The following COL6A5 variants were observed in gnomAD, a reference collection of about 807,000 sequenced individuals.
COL6A5 encodes collagen alpha-5(VI) chain.
COL6A5 carries 48 observed loss-of-function variants against 65.6 expected under a neutral mutation model. The ratio of observed to expected loss-of-function variants is 0.73; its 90% confidence interval spans 0.58 to 0.93. The LOEUF is 0.93. Ranked by LOEUF, COL6A5 falls within the 40% of genes least tolerant of loss-of-function variation. The probability of loss-of-function intolerance (pLI) is 0.00; values close to 1 mark genes in which losing one functional copy is unlikely to be tolerated. For synonymous variants in COL6A5, 291 were observed against 322.8 expected (o/e 0.90, Z 1.05); for missense variants, 914 against 928.3 (o/e 0.98, Z 0.20).
chr3:130,362,336 T>A (rs1419977633), intron 1 of COL6A5, among the ~76,000 whole-genome samples: 1 of 126,836 alleles, frequency 7.9e-6, no homozygotes, highest in Non-Finnish European at 1.7e-5. Context: ...ATTTTTTTTT[T>A]TTTTTTTTTT....
chr3:130,433,397 A>G (rs1055379009), intron 1 of COL6A5, among the ~76,000 whole-genome samples: 7 of 152,158 alleles, frequency 4.6e-5, no homozygotes, highest in African/African-American at 1.7e-4. Context: ...CATTCTTGTT[A>G]ACAAATCATT....
chr3:130,423,303 A>G (rs2107686308), intron 28 of COL6A5, among the ~76,000 whole-genome samples: 1 of 152,222 alleles, frequency 6.6e-6, no homozygotes, highest in Admixed American at 6.5e-5. Context: ...AAATGCTGAG[A>G]CAAGCATCCT....
chr3:130,471,849 T>G (rs1385886320), intron 7 of COL6A5: 2 of 1,525,650 alleles, frequency 1.3e-6, no homozygotes, highest in South Asian at 2.4e-5. Flanking sequence ...ACTGAGAAAC[T>G]GGCAATGAAA....
chr3:130,439,614 T>C (rs1709125002), exon 2 of COL6A5: 1 of 1,549,014 alleles, frequency 6.5e-7, no homozygotes, highest in Non-Finnish European at 8.7e-7. Flanking sequence ...CACTTTGCTA[T>C]GGTAAGACCA....
At chr3:130,469,470 A>G in exon 6 of COL6A5, 1 of 1,611,316 alleles carries the variant, frequency 6.2e-7, no homozygotes, top group Non-Finnish European at 8.5e-7. Flanking sequence ...CCATTTGTCC[A>G]TTTAATCAGA....
chr3:130,474,204 A>T lies in COL6A5; in HGVS notation c.2328+3237A>T, dbSNP rs546472861. ...TATATAAGTCTCAGACCCTTCCCTA[A>T]ACTGTACATGTATGAGAAAGACCCT... On this transcript the variant is annotated intron_variant, in intron 7 of 7. Transcript: ENST00000512836. 1.6e-4 allele frequency among the ~76,000 whole-genome samples: 24 copies of T among 152,160 alleles called. 2 individuals carry two copies. In the South Asian group the frequency reaches 5.0e-3, roughly 32 times the overall value.
At position 130,418,852 on chromosome 3, in the gene COL6A5, C is replaced by T; in HGVS notation, c.4888-17C>T. 6.5e-7 allele frequency: 1 copy of T among 1,548,248 alleles called. No individual in the cohort carries two copies. Among genetic ancestry groups the T allele is most frequent in the Non-Finnish European group, 8.7e-7 (1 of 1,144,082 alleles). Reference sequence around the variant, plus strand: ...TTGATTTTACTGATCTGAAGCTCTTCTTGTCCCACTTACTAGGGAGAGCCT... The same window carrying T: ...TTGATTTTACTGATCTGAAGCTCTTTTTGTCCCACTTACTAGGGAGAGCCT... On this transcript the variant is annotated splice_polypyrimidine_tract_variant and intron_variant and NMD_transcript_variant, in intron 24 of 41. Transcript: ENST00000312481.
chr3:130,428,974 T>G (rs1168879975), upstream of COL6A5, among the ~76,000 whole-genome samples: 2 of 152,186 alleles, frequency 1.3e-5, no homozygotes, highest in Admixed American at 6.5e-5. Context: ...TATCAATACT[T>G]TCCCGGATTC....
chr3:130,350,039 C>T (rs1344858763), intron 1 of COL6A5, among the ~76,000 whole-genome samples: 1 of 152,184 alleles, frequency 6.6e-6, no homozygotes, highest in Non-Finnish European at 1.5e-5. Flanking sequence ...TACTTTCCTG[C>T]TGGGTAATCC....
intron 5 of COL6A5, 112 bp from the exon 6 acceptor site, chr3:130,388,468 C>A: frequency 1.1e-6 from 1 of 889,004 alleles, no homozygotes; most frequent in Non-Finnish European, 1.7e-6. Flanking sequence ...CAACAGTTGC[C>A]TGAGTTAATT....
exon 2 of COL6A5, chr3:130,373,636 A>T: frequency 1.3e-6 from 2 of 1,522,316 alleles, no homozygotes; most frequent in Non-Finnish European, 1.8e-6. Context: ...CTTCACTAAC[A>T]AAATGAAGAT....
chr3:130,470,719 A>T (rs1286168944), intron 6 of COL6A5, among the ~76,000 whole-genome samples, 152 bp from the exon 39 acceptor site: 3 of 152,058 alleles, frequency 2.0e-5, no homozygotes, highest in Non-Finnish European at 4.4e-5. Context: ...AGAACAAAGA[A>T]TTTCCATGTC....
rs115020848 is a variant in COL6A5 at position 130,366,532 on chromosome 3, G to A, written c.-28-7079G>A. 4.0e-3 allele frequency among the ~76,000 whole-genome samples: 606 copies of A among 152,312 alleles called. 2 individuals are homozygous for A. The highest frequency in any genetic ancestry group is 0.013 in the African/African-American group (547 of 41,578). On this transcript the variant is annotated intron_variant and NMD_transcript_variant, in intron 1 of 41. Transcript: ENST00000312481. ...CAACCCTCTTGTTTTATAGATTACAGAAGCAAGTCTCAGAGAGGAGCTCAT... is the reference window on the plus strand; with the variant it reads ...CAACCCTCTTGTTTTATAGATTACAAAAGCAAGTCTCAGAGAGGAGCTCAT...
In COL6A5 at chr3:130,467,568, G is replaced by T. The variant is rs147794685; in HGVS notation, c.1545-1227G>T. 2.3e-3 allele frequency among the ~76,000 whole-genome samples: 343 copies of T among 152,112 alleles called. 2 individuals carry two copies. The highest frequency in any genetic ancestry group is 7.8e-3 in the African/African-American group (325 of 41,536). ...ACAGATGCAAAATTCTAAAGAAAAT[G>T]TTAGCAAGTTAAATCCAACAATAGA... On this transcript the variant is annotated intron_variant, in intron 5 of 7. Coordinates refer to ENST00000512836, the Ensembl canonical transcript of COL6A5.
At chr3:130,482,189 T>A (rs1488701466) in intron 7 of COL6A5, among the ~76,000 whole-genome samples, 4 of 152,226 alleles carry the variant, frequency 2.6e-5, no homozygotes, top group Non-Finnish European at 4.4e-5. Context: ...GTCTTACATT[T>A]AAATCTTCAA....
intron 11 of COL6A5, 122 bp downstream of exon 11, chr3:130,401,295 G>A (rs1210638274): frequency 1.2e-6 from 1 of 858,246 alleles, no homozygotes; most frequent in Non-Finnish European, 1.7e-6. Context: ...TTTGTCCTTA[G>A]TATATAAAAA....
At chr3:130,398,556 C>T (rs1936697646) in intron 10 of COL6A5, among the ~76,000 whole-genome samples, 1 of 152,168 alleles carries the variant, frequency 6.6e-6, no homozygotes, top group Non-Finnish European at 1.5e-5. Context: ...CATCTAATCC[C>T]CGTTGACCAG....
chr3:130,401,082 T>C, exon 11 of COL6A5: 1 of 1,551,354 alleles, frequency 6.4e-7, no homozygotes, highest in South Asian at 1.2e-5. Flanking sequence ...CATCATGAGT[T>C]TTCTAGCTTT....
chr3:130,453,721 T>C (rs1030096661), intron 4 of COL6A5, among the ~76,000 whole-genome samples: 3 of 152,110 alleles, frequency 2.0e-5, no homozygotes, highest in Non-Finnish European at 4.4e-5. Context: ...TCCCTGACTA[T>C]AGCCTGTGAA....
Sources: gnomAD v4.1 joint callset for allele counts (sites outside exome capture counted in the v4.1 genomes callset) on GRCh38, gnomAD v4.1.1 for gene constraint, MANE v1.5 for transcripts, NCBI Gene and HGNC (gene_info 2026-07-23, HGNC 2026-07-21) for gene names.